PLCH1: variants seen among roughly 807,000 people sequenced by gnomAD.
The protein encoded by PLCH1 is 1-phosphatidylinositol 4,5-bisphosphate phosphodiesterase eta-1.
PLCH1 carries 60 observed loss-of-function variants against 126.7 expected under a neutral mutation model. That is an observed-to-expected ratio of 0.47 (90% CI 0.38 to 0.59). The LOEUF (loss-of-function observed/expected upper bound fraction) is 0.59. Among genes scored for constraint, PLCH1 ranks in the 20% least tolerant of loss-of-function variants. The pLI is 0.00. For synonymous variants in PLCH1, 719 were observed against 734.9 expected (o/e 0.98, Z 0.35); for missense variants, 1,723 against 2,040.0 (o/e 0.84, Z 2.99).
intron 11 of PLCH1, among the ~76,000 whole-genome samples, chr3:155,521,327 A>G (rs1721080142): frequency 6.6e-6 from 1 of 152,062 alleles, no homozygotes; most frequent in South Asian, 2.1e-4. Context: ...ATTTTTGTCT[A>G]TTTTGTTACT....
intron 2 of PLCH1, among the ~76,000 whole-genome samples, chr3:155,649,225 T>C (rs137897386): frequency 6.0e-4 from 91 of 152,242 alleles, no homozygotes; most frequent in African/African-American, 2.1e-3. Flanking sequence ...AACCATTAAA[T>C]ATCTCCTCAA....
intron 2 of PLCH1, among the ~76,000 whole-genome samples, chr3:155,627,943 T>C (rs564424637): frequency 5.9e-5 from 9 of 151,976 alleles, no homozygotes; most frequent in African/African-American, 1.7e-4. Context: ...AATTTTGTAA[T>C]TTTAGCAGAG....
intron 21 of PLCH1, among the ~76,000 whole-genome samples, chr3:155,467,574 C>CAA (rs71302278): frequency 7.0e-4 from 93 of 132,098 alleles, no homozygotes; most frequent in East Asian, 1.5e-3. Flanking sequence ...AACTCTGTCT[C>CAA]AAAAAAAAAA....
At position 155,656,571 on chromosome 3, in the gene PLCH1, A is replaced by T. The variant is rs1051363446; in HGVS notation, c.79+47575T>A. ...TCATATGATTATCTTCAGAAATACT[A>T]AAAGGGCTTTCAAATTCCATGCCAC... On this transcript the variant is annotated intron_variant, in intron 2 of 22. Transcript: ENST00000460012. Among the ~76,000 whole-genome samples the T allele has an allele frequency of 2.6e-5, 4 of 152,352 alleles. No homozygotes were observed. In the South Asian group the frequency reaches 8.3e-4, roughly 32 times the overall value.
chr3:155,467,444 C>T lies in PLCH1; in HGVS notation c.2938+17912G>A, dbSNP rs187572612. ...CAAAAATTAGCTGGACGTGGTGGTG[C>T]GCACCTGTAATCCCAGCTACTTTGG... On this transcript the variant is annotated intron_variant, in intron 21 of 21. Coordinates refer to the PLCH1 transcript ENST00000494598. Among the ~76,000 whole-genome samples, 10 of 151,812 alleles carry T rather than the reference C, an allele frequency of 6.6e-5. No homozygotes were observed. The South Asian group carries it at 8.3e-4, about 13-fold the overall frequency.
At chr3:155,542,168 G>T (rs1304885501) in intron 10 of PLCH1, among the ~76,000 whole-genome samples, 2 of 152,166 alleles carry the variant, frequency 1.3e-5, no homozygotes, top group Non-Finnish European at 2.9e-5. Context: ...TGGAAAATCG[G>T]GTCACTCCCA....
At chr3:155,633,363 A>C in intron 2 of PLCH1, among the ~76,000 whole-genome samples, 1 of 147,900 alleles carries the variant, frequency 6.8e-6, no homozygotes, top group East Asian at 2.0e-4. Context: ...AAAAAAACCT[A>C]CTCTTTCCTG....
At chr3:155,489,952 C>G (rs773051067) in intron 19 of PLCH1, among the ~76,000 whole-genome samples, 3 of 152,076 alleles carry the variant, frequency 2.0e-5, no homozygotes, top group Non-Finnish European at 4.4e-5. Context: ...GATGACCTCT[C>G]AATTATTTCT....
intron 1 of PLCH1, among the ~76,000 whole-genome samples, chr3:155,708,325 A>C (rs184098690): frequency 2.6e-5 from 4 of 152,330 alleles, no homozygotes; most frequent in African/African-American, 9.6e-5. Flanking sequence ...GATAAGCCTC[A>C]TTTTAGCTTC....
At chr3:155,520,687 G>A (rs143880431) in intron 11 of PLCH1, among the ~76,000 whole-genome samples, 109 of 152,344 alleles carry the variant, frequency 7.2e-4, no homozygotes, top group African/African-American at 2.4e-3. Context: ...AAATCTGTTA[G>A]ATTACTACTC....
At chr3:155,679,699 C>A (rs940577029) in intron 2 of PLCH1, among the ~76,000 whole-genome samples, 3 of 152,158 alleles carry the variant, frequency 2.0e-5, no homozygotes, top group South Asian at 2.1e-4. Context: ...AACCTAGGAA[C>A]CATGTCACTT....
chr3:155,542,036 G>C (rs150492574), intron 10 of PLCH1, among the ~76,000 whole-genome samples: 7,518 of 152,260 alleles, frequency 0.049, 226 homozygotes, highest in Middle Eastern at 0.092. Context: ...AGTGGGCGCA[G>C]GACAGTGGGT....
chr3:155,657,795 G>A (rs1741595630), intron 2 of PLCH1: 1 of 152,188 alleles, frequency 6.6e-6, no homozygotes, highest in Non-Finnish European at 1.5e-5. Context: ...TGGATACTAA[G>A]AAGAGACTGG....
chr3:155,474,933 G>C (rs1300278773), downstream of PLCH1, among the ~76,000 whole-genome samples: 76 of 112,736 alleles, frequency 6.7e-4, no homozygotes, highest in African/African-American at 2.2e-3. Context: ...GTGGTGGGGT[G>C]GGGGGAGGGG....
At chr3:155,584,329 T>C (rs550103143) in intron 5 of PLCH1, among the ~76,000 whole-genome samples, 34 of 152,334 alleles carry the variant, frequency 2.2e-4, no homozygotes, top group Admixed American at 2.1e-3. Context: ...AAATGTAATT[T>C]TTACCTATGA....
chr3:155,457,961 T>G (rs1469218739), intron 21 of PLCH1, among the ~76,000 whole-genome samples: 1 of 152,134 alleles, frequency 6.6e-6, no homozygotes, highest in Non-Finnish European at 1.5e-5. Flanking sequence ...GGAGTTCCCG[T>G]GCACAGCTCC....
chr3:155,714,040 A>G (rs1747336983), intron 1 of PLCH1, among the ~76,000 whole-genome samples: 1 of 152,184 alleles, frequency 6.6e-6, no homozygotes, highest in South Asian at 2.1e-4. Flanking sequence ...ATAAGCTCTG[A>G]CAGTAATATT....
chr3:155,582,922 C>T (rs997754784), intron 6 of PLCH1, among the ~76,000 whole-genome samples: 1 of 151,926 alleles, frequency 6.6e-6, no homozygotes, highest in Non-Finnish European at 1.5e-5. Flanking sequence ...TAGAGATTCT[C>T]TTTGCTAATC....
At chr3:155,486,613 T>C (rs1276589714) in intron 21 of PLCH1, among the ~76,000 whole-genome samples, 1 of 148,480 alleles carries the variant, frequency 6.7e-6, no homozygotes, top group Non-Finnish European at 1.5e-5. Flanking sequence ...CAAGCTCCGC[T>C]TCCCGGGTTC....
Sources: gnomAD v4.1 joint callset for allele counts (sites outside exome capture counted in the v4.1 genomes callset) on GRCh38, gnomAD v4.1.1 for gene constraint, MANE v1.5 for transcripts, NCBI Gene and HGNC (gene_info 2026-07-23, HGNC 2026-07-21) for gene names.